Variants in COPS9 observed in about 807,000 individuals in gnomAD.
The protein encoded by COPS9 is COP9 signalosome complex subunit 9.
In COPS9, 8 loss-of-function variants were observed where a neutral mutation model predicts 7.2. That is an observed-to-expected ratio of 1.11 (90% confidence interval 0.65 to 2.00). The LOEUF is 2.00. COPS9 is among the 30% of genes most tolerant of loss of function. The pLI, the probability that COPS9 is intolerant of heterozygous loss-of-function variation, is 0.00. For missense variants in COPS9, 74 were observed against 77.7 expected, an observed-to-expected ratio of 0.95 and a Z score of 0.18; for synonymous variants, 39 against 28.7, an observed-to-expected ratio of 1.36 and a Z score of -1.14.
intron 2 of COPS9, 144 bp downstream of exon 2, chr2:240,133,789 G>C (rs752601535): frequency 8.1e-6 from 6 of 742,876 alleles, no homozygotes; most frequent in Non-Finnish European, 1.3e-5. Context: ...TCGCTCCACA[G>C]AGGCTGCACT....
In COPS9 at chr2:240,130,836, C is replaced by G; in HGVS notation, c.*215G>C. On this transcript the variant is annotated 3_prime_UTR_variant, in exon 3 of 3. Coordinates refer to ENST00000607357, the MANE Select transcript of COPS9 (RefSeq NM_001163424.2). The stretch of plus-strand genomic sequence containing the variant: ...AGAGATCACTCCACATGTGACATTG[C>G]TTTCTTTTAATTGGAGTGAGGACAA... 2.9e-6 allele frequency: 4 copies of G among 1,402,464 alleles called. No individual in the cohort carries two copies. Among genetic ancestry groups the G allele is most frequent in the Non-Finnish European group, 3.7e-6 (4 of 1,083,204 alleles). The allele number at this position is 1,402,464 out of a possible 1,614,324, so 86.9% of individuals were successfully genotyped here. A position where few individuals can be genotyped will look rare whatever the true frequency, so the allele number is the denominator to read the frequency against.
chr2:240,134,305 C>G (rs1355964047), intron 1 of COPS9: 3 of 302,228 alleles, frequency 9.9e-6, no homozygotes, highest in Admixed American at 4.9e-5. Context: ...TCAAGGAGAG[C>G]TTTCCGATCC....
At chr2:240,126,987 G>A (rs749937464), downstream of COPS9, 17 of 1,587,886 alleles carry the variant, frequency 1.1e-5, no homozygotes, top group East Asian at 2.0e-4. Context: ...AGGTCTGGTA[G>A]GTTTGCCTCT....
At chr2:240,135,946 G>C (rs2071973225) in intron 1 of COPS9, 1 of 488,026 alleles carries the variant, frequency 2.0e-6, no homozygotes, top group South Asian at 3.5e-5. Context: ...GTGTTCCCGG[G>C]GGCCGTGGGG....
At chr2:240,126,997 T>C (rs142174980), downstream of COPS9, 731 of 1,578,826 alleles carry the variant, frequency 4.6e-4, 3 homozygotes, top group African/African-American at 8.6e-3. Flanking sequence ...GGTTTGCCTC[T>C]GGAATTCCGA....
downstream of COPS9, among the ~76,000 whole-genome samples, chr2:240,128,792 C>CGCGGAG (rs1553594153): frequency 1.3e-5 from 2 of 152,156 alleles, no homozygotes; most frequent in African/African-American, 4.8e-5. Context: ...AGCCGAGTCA[C>CGCGGAG]ACGGAGATGA....
At chr2:240,131,991 T>G (rs937580147) in intron 2 of COPS9, among the ~76,000 whole-genome samples, 1 of 152,188 alleles carries the variant, frequency 6.6e-6, no homozygotes, top group Non-Finnish European at 1.5e-5. Context: ...CCAGCCACAC[T>G]GATGCACCCC....
downstream of COPS9, among the ~76,000 whole-genome samples, chr2:240,129,715 A>C (rs1382218455): frequency 6.6e-6 from 1 of 152,194 alleles, no homozygotes; most frequent in Non-Finnish European, 1.5e-5. Flanking sequence ...GAAACTGTAA[A>C]AACAACTCTC....
chr2:240,127,165 C>T (rs2071874691), downstream of COPS9, among the ~76,000 whole-genome samples: 1 of 152,204 alleles, frequency 6.6e-6, no homozygotes, highest in Non-Finnish European at 1.5e-5. Flanking sequence ...CCAGGCAGCG[C>T]TTGGACTACT....
At chr2:240,135,502 T>C (rs74002271) in intron 1 of COPS9, among the ~76,000 whole-genome samples, 8,838 of 152,216 alleles carry the variant, frequency 0.058, 865 homozygotes, top group African/African-American at 0.2. Flanking sequence ...CCCTGACATG[T>C]AGGAGCTGGC....
chr2:240,136,311 C>T (rs757810066), upstream of COPS9: 17 of 1,544,060 alleles, frequency 1.1e-5, no homozygotes, highest in African/African-American at 1.9e-4. Flanking sequence ...TCTAGGCTCA[C>T]TTCCGGCCTC....
Position 240,131,045 on chromosome 2 carries a change from G to A in COPS9, c.*6C>T, listed in dbSNP as rs2071917200. The stretch of plus-strand genomic sequence containing the variant: ...GGCTTGGCCCCGCCTGCAGCCAGAG[G>A]GCATCTCACTGGATGTCATCATCAT... On this transcript the variant is annotated 3_prime_UTR_variant, in exon 3 of 3. Coordinates refer to ENST00000607357, the MANE Select transcript of COPS9 (RefSeq NM_001163424.2). 3.7e-6 allele frequency: 6 copies of A among 1,612,924 alleles called. No individual in the cohort carries two copies. The East Asian group carries it at 1.1e-4, about 30-fold the overall frequency.
downstream of COPS9, among the ~76,000 whole-genome samples, chr2:240,128,039 C>T (rs2071884363): frequency 6.6e-6 from 1 of 152,172 alleles, no homozygotes; most frequent in Non-Finnish European, 1.5e-5. Context: ...CACACAAAAC[C>T]TGCGCTGTGT....
downstream of COPS9, among the ~76,000 whole-genome samples, chr2:240,129,655 T>C (rs955246726): frequency 2.6e-5 from 4 of 152,168 alleles, no homozygotes; most frequent in African/African-American, 7.2e-5. Flanking sequence ...CCCAAATACC[T>C]AGTTGTTCCC....
At chr2:240,127,187 T>C (rs138498342), downstream of COPS9, among the ~76,000 whole-genome samples, 8 of 152,300 alleles carry the variant, frequency 5.3e-5, no homozygotes, top group East Asian at 9.7e-4. Context: ...TGCAGGGCAC[T>C]GCCAGAGCAT....
At chr2:240,129,715 AAAC>A (rs2071901234), downstream of COPS9, among the ~76,000 whole-genome samples, 1 of 152,312 alleles carries the variant, frequency 6.6e-6, no homozygotes, top group South Asian at 2.1e-4. Flanking sequence ...GAAACTGTAA[AAAC>A]AACTCTCACG....
intron 2 of COPS9, 129 bp downstream of exon 2, chr2:240,133,804 T>G: frequency 1.1e-6 from 1 of 871,362 alleles, no homozygotes; most frequent in Non-Finnish European, 1.8e-6. Flanking sequence ...TGCACTGCAT[T>G]CTGAGAGGAG....
At chr2:240,128,651 CTT>C (rs67095228), downstream of COPS9, among the ~76,000 whole-genome samples, 25,193 of 152,084 alleles carry the variant, frequency 0.17, 2,439 homozygotes, top group East Asian at 0.45. Context: ...GAAAATACCT[CTT>C]TGTCAGTGTA....
intron 2 of COPS9, among the ~76,000 whole-genome samples, chr2:240,131,545 A>G (rs2071923325): frequency 6.6e-6 from 1 of 152,236 alleles, no homozygotes; most frequent in Non-Finnish European, 1.5e-5. Context: ...AGCATGAGAA[A>G]GCCGGGCTAG....
Sources: gnomAD v4.1 joint callset for allele counts (sites outside exome capture counted in the v4.1 genomes callset) on GRCh38, gnomAD v4.1.1 for gene constraint, MANE v1.5 for transcripts, NCBI Gene and HGNC (gene_info 2026-07-23, HGNC 2026-07-21) for gene names.